Variants in CNN3 observed in about 807,000 individuals in gnomAD.
CNN3 encodes calponin 3.
In CNN3, 11 loss-of-function variants were observed where a neutral mutation model predicts 39.0. That is an observed-to-expected ratio of 0.28 (90% CI 0.18 to 0.47). The LOEUF is 0.47. Ranked by LOEUF, CNN3 falls within the 20% of genes least tolerant of loss-of-function variation. The pLI, the probability that CNN3 is intolerant of heterozygous loss-of-function variation, is 0.99. For missense variants in CNN3, 266 were observed against 403.4 expected, an observed-to-expected ratio of 0.66 and a Z score of 2.92; for synonymous variants, 101 against 138.3, an observed-to-expected ratio of 0.73 and a Z score of 1.89.
chr1:94,899,305 T>G, intron 6 of CNN3, 66 bp downstream of exon 6: 1 of 1,497,050 alleles, frequency 6.7e-7, no homozygotes, highest in Non-Finnish European at 9.0e-7. Flanking sequence ...ATACCTACTT[T>G]AAACTTCTGG....
chr1:94,904,346 G>GA (rs1426656275), intron 1 of CNN3, among the ~76,000 whole-genome samples: 4 of 151,928 alleles, frequency 2.6e-5, no homozygotes, highest in Middle Eastern at 3.4e-3. Flanking sequence ...TAAAATAATT[G>GA]AAAAAATAAA....
intron 1 of CNN3, among the ~76,000 whole-genome samples, chr1:94,922,463 C>T (rs575573344): frequency 1.3e-5 from 2 of 152,232 alleles, no homozygotes; most frequent in South Asian, 4.2e-4. Context: ...TGTAAAATAT[C>T]GATCTTGAGA....
chr1:94,912,340 C>G (rs1479595753), intron 1 of CNN3, among the ~76,000 whole-genome samples: 1 of 152,194 alleles, frequency 6.6e-6, no homozygotes, highest in Non-Finnish European at 1.5e-5. Context: ...AAGTGGGTAT[C>G]AAGCAGCTCA....
At chr1:94,918,455 C>T (rs1399600832) in intron 1 of CNN3, among the ~76,000 whole-genome samples, 1 of 139,912 alleles carries the variant, frequency 7.1e-6, no homozygotes, top group Non-Finnish European at 1.5e-5. Context: ...GATCACACCA[C>T]GGTATTCCAG....
chr1:94,919,389 G>A (rs892345948), intron 1 of CNN3, among the ~76,000 whole-genome samples: 2 of 152,192 alleles, frequency 1.3e-5, no homozygotes, highest in African/African-American at 4.8e-5. Context: ...TATGATTGCT[G>A]TTGCTATTTT....
chr1:94,905,679 A>G (rs1191022163), intron 1 of CNN3, among the ~76,000 whole-genome samples: 1 of 152,242 alleles, frequency 6.6e-6, no homozygotes, highest in East Asian at 1.9e-4. Context: ...ATATTTTCAT[A>G]TTAAGACGAC....
intron 6 of CNN3, among the ~76,000 whole-genome samples, chr1:94,899,125 A>G (rs766327121): frequency 1.3e-4 from 20 of 152,274 alleles, no homozygotes; most frequent in Non-Finnish European, 2.4e-4. Context: ...TGTAATAAAC[A>G]TATCTTTTTT....
rs564950866 is a variant in CNN3 at position 94,911,003 on chromosome 1, TGC to T, written c.58-7481_58-7480del. Among the ~76,000 whole-genome samples, 421 of 152,352 alleles carry T rather than the reference TGC, an allele frequency of 2.8e-3. 1 individual carries two copies. Among genetic ancestry groups the T allele is most frequent in the African/African-American group, 8.7e-3 (362 of 41,576 alleles). On this transcript the variant is annotated intron_variant, in intron 1 of 6. Transcript: ENST00000370206. ...CTGTCTTTGCTAAAGCTCTTCTCTC[TGC>T]TTAGAATGTGTTTGCATCCCGAATT...
At chr1:94,909,458 C>T (rs986455587) in intron 1 of CNN3, among the ~76,000 whole-genome samples, 2 of 152,172 alleles carry the variant, frequency 1.3e-5, no homozygotes, top group African/African-American at 4.8e-5. Context: ...ATGTACAAGT[C>T]TCTCCCCCCA....
chr1:94,908,847 T>A (rs75703622), intron 1 of CNN3, among the ~76,000 whole-genome samples: 13,188 of 151,570 alleles, frequency 0.087, 612 homozygotes, highest in East Asian at 0.13. Flanking sequence ...ATAATTTTTT[T>A]AAAAAAATTA....
At chr1:94,905,654 A>C (rs1258411114) in intron 1 of CNN3, among the ~76,000 whole-genome samples, 8 of 152,226 alleles carry the variant, frequency 5.3e-5, no homozygotes, top group Non-Finnish European at 8.8e-5. Context: ...TTACAAAAGA[A>C]AATCCAGTAA....
chr1:94,911,244 G>T (rs943584789), intron 1 of CNN3, among the ~76,000 whole-genome samples: 2 of 152,166 alleles, frequency 1.3e-5, no homozygotes, highest in Non-Finnish European at 2.9e-5. Flanking sequence ...ATTTGATGCG[G>T]AGGAACTAGA....
At position 94,926,984 on chromosome 1, in the gene CNN3, G is replaced by T; in HGVS notation, c.-90C>A. The T allele has an allele frequency of 7.1e-7, 1 of 1,400,032 alleles. No individual in the cohort carries two copies. Among genetic ancestry groups the T allele is most frequent in the Non-Finnish European group, 9.9e-7 (1 of 1,012,888 alleles). The allele number at this position is 1,400,032 out of a possible 1,614,324, so 86.7% of individuals were successfully genotyped here. A position where few individuals can be genotyped will look rare whatever the true frequency, so the allele number is the denominator to read the frequency against. On this transcript the variant is annotated 5_prime_UTR_variant, in exon 1 of 7. Coordinates refer to ENST00000370206, the MANE Select transcript of CNN3 (RefSeq NM_001839.5). The surrounding 1 kb of genome is among the most constrained non-coding windows in gnomAD (Gnocchi z 4.2). ...CTCCTGGCCCCGAGGAGTGGCCGCC[G>T]CGGGGGATGCTCGAACTCCCTCCTC...
At chr1:94,914,771 A>G (rs1029352747) in intron 1 of CNN3, among the ~76,000 whole-genome samples, 1 of 152,260 alleles carries the variant, frequency 6.6e-6, no homozygotes, top group Non-Finnish European at 1.5e-5. Context: ...AACATGGGAT[A>G]GATGCTGATG....
At chr1:94,925,714 A>C (rs1671557525) in intron 1 of CNN3, 2 of 985,334 alleles carry the variant, frequency 2.0e-6, no homozygotes, top group African/African-American at 3.5e-5. Context: ...GCCTTCCACC[A>C]GCGGTCGGAC....
At chr1:94,902,782 T>C (rs1571517874) in intron 3 of CNN3, among the ~76,000 whole-genome samples, 1 of 152,166 alleles carries the variant, frequency 6.6e-6, no homozygotes, top group Admixed American at 6.5e-5. Flanking sequence ...CTGTTAGTTA[T>C]GTGGAATGCC....
At chr1:94,925,857 C>T in intron 1 of CNN3, 2 of 980,094 alleles carry the variant, frequency 2.0e-6, no homozygotes, top group Non-Finnish European at 2.4e-6. Flanking sequence ...CACAGTTCCG[C>T]GCCGATTGGC....
intron 1 of CNN3, chr1:94,925,803 C>A (rs1671561436): frequency 1.0e-6 from 1 of 985,290 alleles, no homozygotes; most frequent in African/African-American, 1.7e-5. Context: ...TCCTTTGTGG[C>A]GCTTTGGCCA....
chr1:94,902,291 G>A (rs1670889877), intron 3 of CNN3, 33 bp from the exon 4 acceptor site: 2 of 1,565,706 alleles, frequency 1.3e-6, no homozygotes, highest in Non-Finnish European at 1.7e-6. Flanking sequence ...AATTTCTGGA[G>A]CTAAATATTG....
Sources: gnomAD v4.1 joint callset for allele counts (sites outside exome capture counted in the v4.1 genomes callset) on GRCh38, gnomAD v4.1.1 for gene constraint, Gnocchi (gnomAD v3.1) non-coding constraint, MANE v1.5 for transcripts, NCBI Gene and HGNC (gene_info 2026-07-23, HGNC 2026-07-21) for gene names.